Variants in DLG2 observed in about 807,000 individuals in gnomAD.
DLG2 encodes disks large homolog 2.
In DLG2, 45 loss-of-function variants were observed where a neutral mutation model predicts 132.5. The ratio of observed to expected loss-of-function variants is 0.34; its 90% CI spans 0.27 to 0.44. The LOEUF (loss-of-function observed/expected upper bound fraction) is 0.44, where lower values mean the gene tolerates loss of function less well. DLG2 is among the 20% of genes least tolerant of loss of function. The pLI is 1.00. For synonymous variants in DLG2, 424 were observed against 419.6 expected, an observed-to-expected ratio of 1.01 and a Z score of -0.13; for missense variants, 1,045 against 1,196.9, an observed-to-expected ratio of 0.87 and a Z score of 1.87.
At chr11:84,584,085 C>A (rs1228116700) in intron 6 of DLG2, among the ~76,000 whole-genome samples, 1 of 151,990 alleles carries the variant, frequency 6.6e-6, no homozygotes, top group East Asian at 1.9e-4. Context: ...ATTGCTAAGT[C>A]ATAATGTTCA....
intron 18 of DLG2, among the ~76,000 whole-genome samples, chr11:83,671,503 C>A (rs1253949698): frequency 6.6e-6 from 1 of 152,078 alleles, no homozygotes; most frequent in African/African-American, 2.4e-5. Context: ...GTGATAAGAT[C>A]CACCAAAACA....
chr11:83,793,713 ATACC>A (rs767158980), intron 17 of DLG2, among the ~76,000 whole-genome samples: 1 of 152,158 alleles, frequency 6.6e-6, no homozygotes, highest in Non-Finnish European at 1.5e-5. Context: ...TAAAATGAGT[ATACC>A]TACCTACCTA....
intron 6 of DLG2, among the ~76,000 whole-genome samples, chr11:84,732,222 T>C (rs535332011): frequency 6.6e-6 from 1 of 152,256 alleles, no homozygotes; most frequent in Non-Finnish European, 1.5e-5. Context: ...TGAAGTTATA[T>C]AGCTGCTACG....
chr11:85,217,006 T>A (rs1181025929), intron 4 of DLG2, among the ~76,000 whole-genome samples: 4 of 152,114 alleles, frequency 2.6e-5, no homozygotes. Context: ...CAATATCTCT[T>A]ATAATAATTC....
intron 3 of DLG2, among the ~76,000 whole-genome samples, chr11:85,528,727 T>A (rs2074973747): frequency 6.6e-6 from 1 of 152,204 alleles, no homozygotes; most frequent in African/African-American, 2.4e-5. Context: ...GGCCTTGGAC[T>A]TAGAAGGACC....
chr11:85,621,662 A>G (rs1005113630), intron 2 of DLG2, among the ~76,000 whole-genome samples: 1 of 152,268 alleles, frequency 6.6e-6, no homozygotes, highest in African/African-American at 2.4e-5. Flanking sequence ...ATCTAGAACT[A>G]GAAGTGAAGC....
intron 3 of DLG2, among the ~76,000 whole-genome samples, chr11:85,296,213 T>C (rs1200257923): frequency 3.3e-5 from 5 of 152,160 alleles, no homozygotes; most frequent in Admixed American, 3.3e-4. Flanking sequence ...CACATAAGTA[T>C]AGATTTACTT....
intron 9 of DLG2, among the ~76,000 whole-genome samples, chr11:84,149,294 T>A (rs1369240466): frequency 1.3e-5 from 2 of 152,192 alleles, no homozygotes; most frequent in African/African-American, 4.8e-5. Context: ...TCTTTGCCAA[T>A]GCCAATGTTG....
chr11:83,917,108 C>A (rs1477844861), intron 15 of DLG2, among the ~76,000 whole-genome samples: 1 of 152,116 alleles, frequency 6.6e-6, no homozygotes, highest in Non-Finnish European at 1.5e-5. Flanking sequence ...TTTTACTTAT[C>A]ATTGGTAGAA....
At chr11:83,483,635 A>C (rs1171557194) in intron 22 of DLG2, among the ~76,000 whole-genome samples, 1 of 152,176 alleles carries the variant, frequency 6.6e-6, no homozygotes, top group Non-Finnish European at 1.5e-5. Flanking sequence ...TTCATAGCAA[A>C]TTCTAAATGA....
intron 10 of DLG2, among the ~76,000 whole-genome samples, chr11:84,079,701 A>G (rs1287802940): frequency 6.6e-6 from 1 of 152,156 alleles, no homozygotes; most frequent in Non-Finnish European, 1.5e-5. Context: ...ACATTGAAAC[A>G]TTCCAGGTCT....
At chr11:83,918,826 G>A (rs1472548238) in intron 15 of DLG2, among the ~76,000 whole-genome samples, 4 of 114,500 alleles carry the variant, frequency 3.5e-5, no homozygotes, top group African/African-American at 1.5e-4. Context: ...AGCCCAAGGT[G>A]GAAAAATCTT....
intron 7 of DLG2, among the ~76,000 whole-genome samples, chr11:84,477,332 TAAA>T (rs905940117): frequency 1.3e-5 from 2 of 151,848 alleles, no homozygotes; most frequent in Non-Finnish European, 2.9e-5. Flanking sequence ...CTGTCTCTAC[TAAA>T]AATACAAAAA....
intron 6 of DLG2, among the ~76,000 whole-genome samples, chr11:84,992,664 C>T (rs1175791903): frequency 1.3e-5 from 2 of 152,112 alleles, no homozygotes; most frequent in Admixed American, 6.6e-5. Flanking sequence ...AGCTTTTTTT[C>T]ATATGTTTGT....
At chr11:85,415,571 T>G (rs1264239820) in intron 3 of DLG2, among the ~76,000 whole-genome samples, 2 of 152,116 alleles carry the variant, frequency 1.3e-5, no homozygotes, top group Non-Finnish European at 2.9e-5. Flanking sequence ...GTGAGATGGT[T>G]TCTCATTGCG....
intron 8 of DLG2, among the ~76,000 whole-genome samples, chr11:84,245,965 G>A (rs1372613706): frequency 1.3e-5 from 2 of 152,166 alleles, no homozygotes; most frequent in South Asian, 2.1e-4. Flanking sequence ...GATGTAAGGT[G>A]AGCAGAAGCT....
chr11:84,847,436 G>A (rs1001971305), intron 6 of DLG2, among the ~76,000 whole-genome samples: 2 of 152,146 alleles, frequency 1.3e-5, no homozygotes, highest in African/African-American at 4.8e-5. Context: ...TTGTTTTGGA[G>A]TTTGGGAGTT....
At chr11:83,686,197 C>T (rs1469599783) in intron 18 of DLG2, among the ~76,000 whole-genome samples, 1 of 152,156 alleles carries the variant, frequency 6.6e-6, no homozygotes, top group Non-Finnish European at 1.5e-5. Context: ...CAGCTCCCTT[C>T]AGCAGCTCCC....
rs370846401 is a variant in DLG2, at chr11:83,528,049, C to T, written c.2193+4659G>A. ...CTCATTAGAAATTTAATAGACATTC[C>T]CAGGGGAGCTTGACTGCATTGCTAT... On this transcript the variant is annotated intron_variant, in intron 21 of 27. Coordinates refer to ENST00000376104, the MANE Select transcript of DLG2 (RefSeq NM_001142699.3). Among the ~76,000 whole-genome samples the T allele has an allele frequency of 7.2e-5, 11 of 152,188 alleles. No individual in the cohort carries two copies. In the East Asian group the frequency reaches 1.2e-3, roughly 16 times the overall value.
Sources: gnomAD v4.1 joint callset for allele counts (sites outside exome capture counted in the v4.1 genomes callset) on GRCh38, gnomAD v4.1.1 for gene constraint, MANE v1.5 for transcripts, NCBI Gene and HGNC (gene_info 2026-07-23, HGNC 2026-07-21) for gene names.